CDK14: variants seen among roughly 807,000 people sequenced by gnomAD.
The protein encoded by CDK14 is cyclin dependent kinase 14, also known as cyclin-dependent kinase 14.
Under a neutral mutation model 60.7 loss-of-function variants are expected in CDK14, and 34 were observed. The ratio of observed to expected loss-of-function variants is 0.56; its 90% CI spans 0.43 to 0.75. The LOEUF is 0.75. Ranked by LOEUF, CDK14 falls within the 30% of genes least tolerant of loss-of-function variation. The pLI, the probability that CDK14 is intolerant of heterozygous loss-of-function variation, is 0.00. For synonymous variants in CDK14, 197 were observed against 203.7 expected (o/e 0.97, Z 0.28); for missense variants, 482 against 564.1 (o/e 0.85, Z 1.47).
intron 9 of CDK14, among the ~76,000 whole-genome samples, chr7:90,971,153 G>GT (rs5885750): frequency 2.1e-3 from 179 of 86,226 alleles, no homozygotes; most frequent in East Asian, 7.4e-3. Flanking sequence ...AGAACATGTG[G>GT]TTTTTTTTTT....
intron 14 of CDK14, among the ~76,000 whole-genome samples, chr7:91,153,714 A>G (rs1355049813): frequency 2.0e-5 from 3 of 152,156 alleles, no homozygotes; most frequent in African/African-American, 7.2e-5. Flanking sequence ...GAAACAACAC[A>G]TACTGGGGCT....
intron 8 of CDK14, among the ~76,000 whole-genome samples, chr7:90,940,457 A>G (rs1045265422): frequency 3.3e-5 from 5 of 152,114 alleles, no homozygotes; most frequent in African/African-American, 9.7e-5. Flanking sequence ...CAATGTCACA[A>G]TGAATCTCCA....
chr7:90,797,832 A>G (rs944585385), intron 5 of CDK14, among the ~76,000 whole-genome samples: 1 of 151,894 alleles, frequency 6.6e-6, no homozygotes, highest in African/African-American at 2.4e-5. Context: ...TGATATGACA[A>G]CACGAAGGGG....
rs1803017851 is a variant in CDK14 at position 91,209,978 on chromosome 7, C to T, written c.*2842C>T. 6.6e-6 allele frequency: 1 copy of T among 152,512 alleles called. No individual in the cohort carries two copies. Among genetic ancestry groups the T allele is most frequent in the African/African-American group, 2.4e-5 (1 of 41,398 alleles). 9.4% of individuals were successfully genotyped at this position (152,512 alleles called of 1,614,324 possible). ...TATATGACAGCCAGTATAATCAATACCCTAGGTTATGCGTCTATATGATAC... is the reference window on the plus strand; with the variant it reads ...TATATGACAGCCAGTATAATCAATATCCTAGGTTATGCGTCTATATGATAC... On this transcript the variant is annotated 3_prime_UTR_variant, in exon 15 of 15. Transcript: ENST00000380050.
intron 2 of CDK14, among the ~76,000 whole-genome samples, chr7:90,671,798 G>T (rs1028423866): frequency 6.6e-6 from 1 of 152,154 alleles, no homozygotes. Context: ...CAAACAAGCA[G>T]TTCCTTCAGC....
chr7:90,824,269 G>A lies in CDK14; in HGVS notation c.544+33617G>A, dbSNP rs866744870. Among the ~76,000 whole-genome samples, 11 of 152,190 alleles carry A rather than the reference G, an allele frequency of 7.2e-5. No homozygotes were observed. In the South Asian group the frequency reaches 2.3e-3, roughly 32 times the overall value. On this transcript the variant is annotated intron_variant, in intron 5 of 14. Coordinates refer to ENST00000380050, the MANE Select transcript of CDK14 (RefSeq NM_001287135.2). ...CTACTCTGGGAAGAGTTAGCTGCCAGCATGATCTCCATTATAGGTGAGAAA... is the reference window on the plus strand; with the variant it reads ...CTACTCTGGGAAGAGTTAGCTGCCAACATGATCTCCATTATAGGTGAGAAA...
At chr7:90,761,901 G>A (rs1457941431) in intron 4 of CDK14, among the ~76,000 whole-genome samples, 1 of 152,194 alleles carries the variant, frequency 6.6e-6, no homozygotes, top group Non-Finnish European at 1.5e-5. Context: ...GTGTGTAGTG[G>A]TGAACAAAAT....
chr7:90,782,521 G>C (rs950222806), intron 4 of CDK14, among the ~76,000 whole-genome samples: 2 of 152,048 alleles, frequency 1.3e-5, no homozygotes, highest in Admixed American at 6.6e-5. Context: ...TTTGACAAAT[G>C]GGAGCCTCTG....
At chr7:91,181,497 C>T (rs1802000490) in intron 14 of CDK14, among the ~76,000 whole-genome samples, 1 of 152,108 alleles carries the variant, frequency 6.6e-6, no homozygotes, top group Non-Finnish European at 1.5e-5. Context: ...CACTAATCCA[C>T]TGAGGATTAC....
chr7:90,827,465 A>G (rs993023117), intron 5 of CDK14, among the ~76,000 whole-genome samples: 3 of 152,196 alleles, frequency 2.0e-5, no homozygotes, highest in African/African-American at 7.2e-5. Context: ...TTGAATACTT[A>G]ATTTCCATTT....
chr7:90,986,793 A>G (rs1456324425), intron 10 of CDK14, among the ~76,000 whole-genome samples: 1 of 151,990 alleles, frequency 6.6e-6, no homozygotes, highest in African/African-American at 2.4e-5. Context: ...TAGTATAACC[A>G]AATTATATTC....
In CDK14 at chr7:91,207,836, T is replaced by A. The variant is rs1802950140; in HGVS notation, c.*700T>A. ...TGACTGTTTTTTGAATAGGTTGGAATTGAAAAAACAATTATCAAACGTTAA... is the reference window on the plus strand; with the variant it reads ...TGACTGTTTTTTGAATAGGTTGGAAATGAAAAAACAATTATCAAACGTTAA... On this transcript the variant is annotated 3_prime_UTR_variant, in exon 15 of 15. Coordinates refer to ENST00000380050, the MANE Select transcript of CDK14 (RefSeq NM_001287135.2). The A allele has an allele frequency of 6.6e-6, 1 of 152,658 alleles. No homozygotes were observed. The highest frequency in any genetic ancestry group is 1.5e-5 in the Non-Finnish European group (1 of 68,036). The allele number at this position is 152,658 out of a possible 1,614,324, so 9.5% of individuals were successfully genotyped here.
At chr7:90,706,403 C>A (rs1026733554) in intron 2 of CDK14, among the ~76,000 whole-genome samples, 1 of 152,188 alleles carries the variant, frequency 6.6e-6, no homozygotes, top group African/African-American at 2.4e-5. Flanking sequence ...GTTTGAACTT[C>A]TGTCATCAGC....
intron 12 of CDK14, among the ~76,000 whole-genome samples, chr7:91,106,291 G>C (rs1216843111): frequency 6.6e-6 from 1 of 152,152 alleles, no homozygotes; most frequent in Non-Finnish European, 1.5e-5. Flanking sequence ...TCTTCAGAGG[G>C]TTAAGGGAAA....
chr7:90,770,761 CT>C (rs1804753778), intron 4 of CDK14, among the ~76,000 whole-genome samples: 1 of 152,186 alleles, frequency 6.6e-6, no homozygotes, highest in South Asian at 2.1e-4. Context: ...CTTGTGTCTC[CT>C]TTTGACATGC....
intron 5 of CDK14, among the ~76,000 whole-genome samples, chr7:90,830,596 G>A (rs1244176052): frequency 6.6e-6 from 1 of 152,148 alleles, no homozygotes; most frequent in South Asian, 2.1e-4. Context: ...CTCTGCAGCT[G>A]GCTTGAATAT....
intron 12 of CDK14, among the ~76,000 whole-genome samples, chr7:91,091,245 TA>T (rs1050897963): frequency 6.1e-5 from 9 of 146,816 alleles, no homozygotes; most frequent in East Asian, 3.9e-4. Flanking sequence ...AATTTATCTG[TA>T]AAAAAAATAT....
chr7:90,850,514 T>C (rs1790614632), intron 5 of CDK14, among the ~76,000 whole-genome samples: 1 of 152,136 alleles, frequency 6.6e-6, no homozygotes, highest in African/African-American at 2.4e-5. Context: ...TCACTTAACC[T>C]TGGGGGTCAG....
At chr7:91,201,304 T>C (rs991658853) in intron 14 of CDK14, among the ~76,000 whole-genome samples, 1 of 152,140 alleles carries the variant, frequency 6.6e-6, no homozygotes, top group African/African-American at 2.4e-5. Flanking sequence ...GTTAGGCATA[T>C]TTACAAAGAA....
Sources: gnomAD v4.1 joint callset for allele counts (sites outside exome capture counted in the v4.1 genomes callset) on GRCh38, gnomAD v4.1.1 for gene constraint, MANE v1.5 for transcripts, NCBI Gene and HGNC (gene_info 2026-07-23, HGNC 2026-07-21) for gene names.